Variants in SCARA5 observed in about 807,000 individuals in gnomAD.
SCARA5 encodes the protein scavenger receptor class A member 5, also known as scavenger receptor class A, member 5 (putative).
Under a neutral mutation model 46.3 loss-of-function variants are expected in SCARA5, and 45 were observed. The ratio of observed to expected loss-of-function variants is 0.97; its 90% CI spans 0.76 to 1.24. The LOEUF (loss-of-function observed/expected upper bound fraction) is 1.24, where lower values mean the gene tolerates loss of function less well. Ranked by LOEUF, SCARA5 falls within the 50% of genes most tolerant of loss-of-function variation. The pLI, the probability that SCARA5 is intolerant of heterozygous loss-of-function variation, is 0.00. For missense variants in SCARA5, 680 were observed against 689.0 expected (o/e 0.99, Z 0.15); for synonymous variants, 333 against 306.5 (o/e 1.09, Z -0.90).
At chr8:27,897,248 C>T (rs1464670009) in intron 7 of SCARA5, among the ~76,000 whole-genome samples, 1 of 152,152 alleles carries the variant, frequency 6.6e-6, no homozygotes, top group Non-Finnish European at 1.5e-5. Flanking sequence ...GAGAGTTGAT[C>T]CAGTGACATC....
At chr8:27,969,714 G>A (rs1808419757) in intron 2 of SCARA5, among the ~76,000 whole-genome samples, 1 of 152,202 alleles carries the variant, frequency 6.6e-6, no homozygotes, top group East Asian at 1.9e-4. Flanking sequence ...CCATTCTGGT[G>A]GGGATATTGA....
chr8:27,881,369 C>T (rs1340940522), intron 7 of SCARA5, among the ~76,000 whole-genome samples: 1 of 152,022 alleles, frequency 6.6e-6, no homozygotes, highest in African/African-American at 2.4e-5. Context: ...ACTATGCAGC[C>T]ATAAAAAAGA....
intron 7 of SCARA5, among the ~76,000 whole-genome samples, chr8:27,889,246 C>G (rs1303493356): frequency 6.6e-6 from 1 of 152,232 alleles, no homozygotes; most frequent in Non-Finnish European, 1.5e-5. Flanking sequence ...CAGGATATCA[C>G]TAGGAACAAC....
chr8:27,922,254 G>T lies in SCARA5; in HGVS notation c.242-9C>A. On this transcript the variant is annotated splice_polypyrimidine_tract_variant and intron_variant, in intron 3 of 8. Transcript: ENST00000354914. ...GCTGCGCGGCCTGGACACTGCGGAG[G>T]AGGAAGAGGGGAGACTTGAGCACCG... 1 of 1,512,346 alleles carries T rather than the reference G, an allele frequency of 6.6e-7. No individual in the cohort carries two copies. The highest frequency in any genetic ancestry group is 8.9e-7 in the Non-Finnish European group (1 of 1,129,348). 93.7% of individuals were successfully genotyped at this position (1,512,346 alleles called of 1,614,324 possible).
At chr8:27,893,879 C>A (rs190977063) in intron 7 of SCARA5, among the ~76,000 whole-genome samples, 4 of 152,228 alleles carry the variant, frequency 2.6e-5, no homozygotes, top group South Asian at 2.1e-4. Flanking sequence ...CCGCCCCCAG[C>A]GGGTTTAGGA....
At chr8:27,940,561 A>G (rs958561873) in intron 3 of SCARA5, among the ~76,000 whole-genome samples, 2 of 152,162 alleles carry the variant, frequency 1.3e-5, no homozygotes, top group African/African-American at 4.8e-5. Context: ...ATCTTTTTCT[A>G]CTATATCTAC....
intron 1 of SCARA5, among the ~76,000 whole-genome samples, chr8:27,990,961 C>T (rs1302499160): frequency 6.6e-6 from 1 of 152,264 alleles, no homozygotes; most frequent in Non-Finnish European, 1.5e-5. Context: ...AGGGCAGGTT[C>T]AGAGCCAGGG....
intron 3 of SCARA5, among the ~76,000 whole-genome samples, chr8:27,932,310 G>C (rs1215574590): frequency 6.6e-6 from 1 of 152,192 alleles, no homozygotes; most frequent in Non-Finnish European, 1.5e-5. Context: ...TGTGCATGGA[G>C]CCCTGCAAAT....
intron 5 of SCARA5, among the ~76,000 whole-genome samples, chr8:27,908,767 T>C (rs1005668223): frequency 3.3e-5 from 5 of 152,100 alleles, no homozygotes; most frequent in African/African-American, 9.7e-5. Context: ...CAGAGCCCCA[T>C]GAGCCCCTGA....
chr8:27,978,027 T>G (rs1424339538), intron 2 of SCARA5, among the ~76,000 whole-genome samples: 1 of 108,020 alleles, frequency 9.3e-6, no homozygotes, highest in Non-Finnish European at 1.7e-5. Flanking sequence ...GTCTTTTGTT[T>G]TTTTTTTTTT....
At chr8:27,883,108 A>G (rs549268943) in intron 7 of SCARA5, among the ~76,000 whole-genome samples, 7 of 152,342 alleles carry the variant, frequency 4.6e-5, no homozygotes, top group Non-Finnish European at 1.0e-4. Flanking sequence ...TGTCACATTG[A>G]TCTCTAAACT....
At chr8:27,927,270 A>G (rs944741967) in intron 3 of SCARA5, among the ~76,000 whole-genome samples, 1 of 152,170 alleles carries the variant, frequency 6.6e-6, no homozygotes, top group Non-Finnish European at 1.5e-5. Context: ...CTGAGCAGGA[A>G]ACTGGACTGA....
chr8:27,949,177 C>A (rs1368254729), intron 3 of SCARA5, among the ~76,000 whole-genome samples: 2 of 152,234 alleles, frequency 1.3e-5, no homozygotes, highest in Non-Finnish European at 2.9e-5. Flanking sequence ...GCAGAGCCCA[C>A]GTGGCTCAGA....
intron 3 of SCARA5, among the ~76,000 whole-genome samples, chr8:27,941,351 C>T (rs1047218407): frequency 6.6e-6 from 1 of 152,180 alleles, no homozygotes; most frequent in South Asian, 2.1e-4. Context: ...CCACTACCCG[C>T]TATGCTGATA....
At chr8:27,984,968 C>T (rs1808684148) in intron 2 of SCARA5, among the ~76,000 whole-genome samples, 2 of 152,184 alleles carry the variant, frequency 1.3e-5, no homozygotes, top group African/African-American at 4.8e-5. Flanking sequence ...TCCATTCATT[C>T]ATCCATCCAT....
intron 6 of SCARA5, among the ~76,000 whole-genome samples, chr8:27,905,881 T>C (rs1807254503): frequency 1.3e-5 from 2 of 151,944 alleles, no homozygotes. Context: ...TGGCTAAGTT[T>C]TGTATTTTTG....
chr8:27,970,188 C>T lies in SCARA5; in HGVS notation c.113-3646G>A, dbSNP rs536823341. On this transcript the variant is annotated intron_variant, in intron 2 of 8. Coordinates refer to ENST00000354914, the MANE Select transcript of SCARA5 (RefSeq NM_173833.6). ...GGCTTATGTGGTGAGGAACTGAGGG[C>T]TTTGGCTGACAGCCATGTAGGTGAG... Among the ~76,000 whole-genome samples, 5 of 152,172 alleles carry T rather than the reference C, an allele frequency of 3.3e-5. No individual in the cohort carries two copies. In the South Asian group the frequency reaches 1.0e-3, roughly 32 times the overall value.
At position 27,922,078 on chromosome 8, in the gene SCARA5, C is replaced by A. The variant is rs1807604749; in HGVS notation, c.409G>T (p.Asp137Tyr). ...KVQDALQNQS[D>Y]SLLALAGAVQ... ...GCGCCCGCCAGCGCCAGCAACGAGT[C>A]TGACTGGTTCTGCAGCGCGTCCTGC... The change falls in exon 4 of 9, where the codon GAC (aspartate) becomes TAC (tyrosine). Residue 137 changes from aspartate (D) to tyrosine (Y), a missense_variant. Asp to Tyr is a radical substitution (Grantham distance 160). Coordinates refer to ENST00000354914, the MANE Select transcript of SCARA5 (RefSeq NM_173833.6). The A allele has an allele frequency of 5.0e-6, 8 of 1,598,366 alleles. No individual in the cohort carries two copies. In the East Asian group the frequency reaches 1.8e-4, roughly 36 times the overall value.
chr8:27,956,086 C>A (rs76972447), intron 3 of SCARA5, among the ~76,000 whole-genome samples: 1 of 152,080 alleles, frequency 6.6e-6, no homozygotes, highest in South Asian at 2.1e-4. Flanking sequence ...GGAATTCTGG[C>A]GAAGACAGAG....
Sources: allele counts gnomAD v4.1 joint callset (sites outside exome capture counted in the v4.1 genomes callset), GRCh38; gene constraint gnomAD v4.1.1; transcripts MANE v1.5; gene names NCBI Gene and HGNC (gene_info 2026-07-23, HGNC 2026-07-21).